NDUFAF1: variants seen among roughly 807,000 people sequenced by gnomAD.
NDUFAF1 encodes the protein complex I intermediate-associated protein 30, mitochondrial.
Under a neutral mutation model 28.7 loss-of-function variants are expected in NDUFAF1, and 18 were observed. The observed-to-expected ratio is 0.63, with a 90% CI of 0.43 to 0.93. The LOEUF (loss-of-function observed/expected upper bound fraction) is 0.93, where lower values mean the gene tolerates loss of function less well. Ranked by LOEUF, NDUFAF1 falls within the 40% of genes least tolerant of loss-of-function variation. NDUFAF1 has a pLI of 0.00. For synonymous variants in NDUFAF1, 113 were observed against 139.7 expected (o/e 0.81, Z 1.35); for missense variants, 404 against 398.3 (o/e 1.01, Z -0.12).
chr15:41,397,798 C>T (rs1003350702), intron 1 of NDUFAF1, among the ~76,000 whole-genome samples: 91 of 100,784 alleles, frequency 9.0e-4, no homozygotes, highest in African/African-American at 3.5e-3. Context: ...GACTCTGTCT[C>T]GGGAAAAAAA....
chr15:41,389,513 G>C (rs949123672), intron 3 of NDUFAF1, among the ~76,000 whole-genome samples: 2 of 152,094 alleles, frequency 1.3e-5, no homozygotes, highest in South Asian at 4.1e-4. Context: ...GTGCATGCCT[G>C]TAATCCCAGC....
In NDUFAF1 at chr15:41,396,171, AGAG is replaced by A. The variant is rs568299791; in HGVS notation, c.573+313_573+315del. On this transcript the variant is annotated intron_variant, in intron 2 of 4. Coordinates refer to ENST00000260361, the MANE Select transcript of NDUFAF1 (RefSeq NM_016013.4). ...CATTACAGAGGTTGTGGTCTTTTTT[AGAG>A]GAGATGAAAATCTCTCCAAAAATCT... Among the ~76,000 whole-genome samples, 302 of 152,078 alleles carry A rather than the reference AGAG, an allele frequency of 2.0e-3. 1 individual carries two copies. Among genetic ancestry groups the A allele is most frequent in the African/African-American group, 6.6e-3 (272 of 41,502 alleles).
At chr15:41,391,007 C>A (rs189191636) in intron 3 of NDUFAF1, among the ~76,000 whole-genome samples, 1 of 151,686 alleles carries the variant, frequency 6.6e-6, no homozygotes, top group African/African-American at 2.4e-5. Context: ...CCAGCCTGGG[C>A]GACAGTGCGA....
chr15:41,390,922 C>T (rs1487286740), intron 3 of NDUFAF1, among the ~76,000 whole-genome samples: 1 of 151,424 alleles, frequency 6.6e-6, no homozygotes, highest in African/African-American at 2.4e-5. Flanking sequence ...GTCCCAGCTA[C>T]TCGGGAGGCT....
At chr15:41,394,700 C>T (rs575911901) in intron 3 of NDUFAF1, among the ~76,000 whole-genome samples, 159 bp downstream of exon 3, 1 of 135,660 alleles carries the variant, frequency 7.4e-6, no homozygotes, top group East Asian at 2.3e-4. Flanking sequence ...ATGGCACGAT[C>T]AGAGACTAGG....
intron 3 of NDUFAF1, among the ~76,000 whole-genome samples, chr15:41,393,059 GAGA>G (rs931200221): frequency 2.6e-5 from 4 of 151,898 alleles, no homozygotes; most frequent in South Asian, 2.1e-4. Context: ...TGGGGCAAAG[GAGA>G]AGAATTCAGG....
intron 3 of NDUFAF1, among the ~76,000 whole-genome samples, chr15:41,392,952 C>G (rs1313007472): frequency 6.6e-6 from 1 of 152,040 alleles, no homozygotes; most frequent in Non-Finnish European, 1.5e-5. Context: ...ATCCAAACAC[C>G]TGGACCAGGG....
intron 2 of NDUFAF1, among the ~76,000 whole-genome samples, 175 bp downstream of exon 2, chr15:41,396,312 T>G (rs1425257689): frequency 6.6e-6 from 1 of 152,116 alleles, no homozygotes; most frequent in Non-Finnish European, 1.5e-5. Flanking sequence ...TTCCCCCTTG[T>G]GCTTCCACTT....
chr15:41,400,041 C>A (rs2050442041), intron 1 of NDUFAF1, among the ~76,000 whole-genome samples: 1 of 151,332 alleles, frequency 6.6e-6, no homozygotes, highest in South Asian at 2.1e-4. Context: ...GCTTGGGCAA[C>A]AGAGCAGGAC....
chr15:41,400,688 ATTTTTTTTTT>A (rs58010983), intron 1 of NDUFAF1, among the ~76,000 whole-genome samples: 42 of 97,814 alleles, frequency 4.3e-4, no homozygotes, highest in African/African-American at 1.7e-3. Flanking sequence ...ATGCCCAGCT[ATTTTTTTTTT>A]TTTTTTTTTT....
At chr15:41,388,007 G>C (rs1200341967) in intron 4 of NDUFAF1, among the ~76,000 whole-genome samples, 1 of 152,142 alleles carries the variant, frequency 6.6e-6, no homozygotes, top group African/African-American at 2.4e-5. Flanking sequence ...CTACTCAGGA[G>C]ACTGAGGCAG....
intron 3 of NDUFAF1, chr15:41,394,407 T>C (rs2050356029): frequency 3.1e-6 from 4 of 1,287,462 alleles, no homozygotes; most frequent in Non-Finnish European, 4.1e-6. Context: ...ACAAACCCCA[T>C]CTATTTGGAC....
chr15:41,394,897 T>C lies in NDUFAF1; in HGVS notation c.721A>G (p.Met241Val), dbSNP rs769371844. ...CAGTAGGGTCCCCCGCGGGTGAACA[T>C]GAAGTAACTATACATCTGATTCGTC... ...QRTNQMYSYF[M>V]FTRGGPYWQE... The change falls in exon 3 of 5, where the codon ATG (methionine) becomes GTG (valine). Residue 241 changes from methionine (M) to valine (V), a missense_variant. Transcript: ENST00000260361. 3 of 1,614,126 alleles carry C rather than the reference T, an allele frequency of 1.9e-6. No homozygotes were observed. The highest frequency in any genetic ancestry group is 2.2e-5 in the East Asian group (1 of 44,876).
At chr15:41,400,688 ATTTTTTTT>A (rs58010983) in intron 1 of NDUFAF1, among the ~76,000 whole-genome samples, 10 of 97,822 alleles carry the variant, frequency 1.0e-4, no homozygotes, top group East Asian at 9.3e-4. Context: ...ATGCCCAGCT[ATTTTTTTT>A]TTTTTTTTTT....
chr15:41,392,187 C>T (rs2050324930), intron 3 of NDUFAF1, among the ~76,000 whole-genome samples: 1 of 151,522 alleles, frequency 6.6e-6, no homozygotes, highest in South Asian at 2.1e-4. Flanking sequence ...ATTCTCCTGC[C>T]TCAGCCTCCT....
chr15:41,389,697 T>C (rs1010142958), intron 3 of NDUFAF1, among the ~76,000 whole-genome samples: 1 of 152,060 alleles, frequency 6.6e-6, no homozygotes. Context: ...CACCTGAGGC[T>C]GGGAGGTTGG....
intron 2 of NDUFAF1, among the ~76,000 whole-genome samples, chr15:41,395,592 G>A (rs568735769): frequency 6.7e-4 from 101 of 150,346 alleles, no homozygotes; most frequent in African/African-American, 1.2e-3. Context: ...GGATGGTCTC[G>A]ATCTCCTGAC....
intron 3 of NDUFAF1, among the ~76,000 whole-genome samples, chr15:41,391,006 G>A (rs1469379941): frequency 6.6e-6 from 1 of 152,014 alleles, no homozygotes; most frequent in Non-Finnish European, 1.5e-5. Flanking sequence ...TCCAGCCTGG[G>A]CGACAGTGCG....
chr15:41,402,623 TTTTGGTCCAC>T (rs1275379300), upstream of NDUFAF1: 1 of 191,650 alleles, frequency 5.2e-6, no homozygotes, highest in Admixed American at 5.2e-5. Flanking sequence ...TTTTGGAGGT[TTTTGGTCCAC>T]TTGGTCGCCA....
Sources: allele counts gnomAD v4.1 joint callset (sites outside exome capture counted in the v4.1 genomes callset), GRCh38; gene constraint gnomAD v4.1.1; transcripts MANE v1.5; gene names NCBI Gene and HGNC (gene_info 2026-07-23, HGNC 2026-07-21).